The following HMCN2 variants were observed in gnomAD, a reference collection of about 807,000 sequenced individuals.
HMCN2 encodes the protein hemicentin 2.
In HMCN2, 325 loss-of-function variants were observed where a neutral mutation model predicts 377.5. The ratio of observed to expected loss-of-function variants is 0.86; its 90% CI spans 0.79 to 0.94. HMCN2 has a LOEUF of 0.94. Among genes scored for constraint, HMCN2 ranks in the 40% least tolerant of loss-of-function variants. The pLI is 0.00. For synonymous variants in HMCN2, 2,007 were observed against 2,046.8 expected (o/e 0.98, Z 0.53); for missense variants, 4,543 against 4,725.3 (o/e 0.96, Z 1.13).
intron 14 of HMCN2, 89 bp from the exon 15 acceptor site, chr9:130,309,823 G>T (rs116988271): frequency 0.03 from 10,525 of 348,718 alleles, 222 homozygotes; most frequent in Non-Finnish European, 0.038. Context: ...TTGTGCAGCC[G>T]CAGGAGCCAA....
At chr9:130,338,798 C>A (rs36153128) in intron 23 of HMCN2, among the ~76,000 whole-genome samples, 25,272 of 152,296 alleles carry the variant, frequency 0.17, 2,197 homozygotes, top group Admixed American at 0.23. Context: ...AGATCATGAG[C>A]CAGTGAAGAA....
chr9:130,365,364 G>GCCTC (rs34908717), intron 41 of HMCN2, among the ~76,000 whole-genome samples: 51,345 of 152,028 alleles, frequency 0.34, 9,611 homozygotes, highest in Non-Finnish European at 0.41. Flanking sequence ...CCAGTCACAT[G>GCCTC]CCTCCCCCTT....
At position 130,405,079 on chromosome 9, in the gene HMCN2, G is replaced by A. The variant is rs1408669717; in HGVS notation, c.12339+20G>A. On this transcript the variant is annotated intron_variant, in intron 81 of 97. Transcript: ENST00000683500. ...TTGGAGGTGAGGCACTGCCCCAAGG[G>A]GCACAGCAGGGAATAATGGCTGAGA... 7.9e-7 allele frequency: 1 copy of A among 1,268,890 alleles called. No individual in the cohort carries two copies. The highest frequency in any genetic ancestry group is 5.6e-5 in the East Asian group (1 of 17,818). 78.6% of individuals were successfully genotyped at this position (1,268,890 alleles called of 1,614,324 possible).
chr9:130,278,007 C>G lies in HMCN2; in HGVS notation c.260-6596C>G, dbSNP rs1399003393. ...CCACCACGATCATCACCACCACCAC[C>G]ATCATCATCACCACCACCACGATCA... On this transcript the variant is annotated intron_variant, in intron 1 of 97. Transcript: ENST00000683500. 5.3e-4 allele frequency among the ~76,000 whole-genome samples: 24 copies of G among 45,470 alleles called. 2 individuals are homozygous for G. The highest frequency in any genetic ancestry group is 2.1e-3 in the South Asian group (3 of 1,422). The allele number at this position is 45,470 out of a possible 152,430, so 29.8% of individuals were successfully genotyped here.
At chr9:130,323,008 C>T (rs1837935014) in intron 19 of HMCN2, among the ~76,000 whole-genome samples, 1 of 152,160 alleles carries the variant, frequency 6.6e-6, no homozygotes, top group South Asian at 2.1e-4. Flanking sequence ...AGGTGCAATT[C>T]TAGGTGCCAT....
In HMCN2 at chr9:130,341,218, T is replaced by A. The variant is rs1043204137; in HGVS notation, c.3595T>A (p.Ser1199Thr). Residue 1199 changes from serine (S) to threonine (T), a missense_variant, in exon 24 of 98, where the codon TCC becomes ACC. Physicochemically the swap from Ser to Thr is moderately conservative, Grantham distance 58. Coordinates refer to ENST00000683500, the MANE Select transcript of HMCN2 (RefSeq NM_001291815.2). ...EGNPEPQLSW[S>T]KDGVVLQGRG... ...CAACCCAGAGCCCCAGCTGAGCTGG[T>A]CCAAGGATGGCGTGGTGTTGCAGGG... 4.6e-5 allele frequency: 7 copies of A among 152,326 alleles called. No homozygotes were observed. Among genetic ancestry groups the A allele is most frequent in the African/African-American group, 1.4e-4 (6 of 41,434 alleles). The allele number at this position is 152,326 out of a possible 1,614,324, so 9.4% of individuals were successfully genotyped here.
chr9:130,349,873 A>T (rs1407700937), intron 29 of HMCN2, among the ~76,000 whole-genome samples: 1 of 140,212 alleles, frequency 7.1e-6, no homozygotes, highest in African/African-American at 2.7e-5. Context: ...AAGTCTTCTC[A>T]TCTCTTAGCC....
chr9:130,268,646 G>A (rs1834249494), intron 1 of HMCN2, among the ~76,000 whole-genome samples: 1 of 149,386 alleles, frequency 6.7e-6, no homozygotes, highest in Non-Finnish European at 1.5e-5. Context: ...AATGTTTACT[G>A]GGTTTTGGCC....
intron 62 of HMCN2, among the ~76,000 whole-genome samples, chr9:130,389,199 G>C (rs1380276663): frequency 6.6e-6 from 1 of 152,118 alleles, no homozygotes; most frequent in South Asian, 2.1e-4. Flanking sequence ...CTGGCTCCTC[G>C]AACCTGCCCC....
At chr9:130,400,729 C>A in intron 76 of HMCN2, 54 bp from the exon 77 acceptor site, 1 of 1,225,762 alleles carries the variant, frequency 8.2e-7, no homozygotes. Context: ...GGCCCTGTGG[C>A]CGTGAGTGCC....
At chr9:130,278,605 G>A (rs1283386078) in intron 1 of HMCN2, among the ~76,000 whole-genome samples, 2 of 151,608 alleles carry the variant, frequency 1.3e-5, no homozygotes, top group Non-Finnish European at 2.9e-5. Flanking sequence ...TTTTTGAGAC[G>A]GAGTTTTGCT....
chr9:130,302,257 A>C (rs1836557591), intron 8 of HMCN2, among the ~76,000 whole-genome samples: 1 of 152,198 alleles, frequency 6.6e-6, no homozygotes, highest in South Asian at 2.1e-4. Flanking sequence ...CATGTTGGCC[A>C]GGCTGGTCTT....
chr9:130,379,333 C>T lies in HMCN2; in HGVS notation c.8297C>T (p.Thr2766Met), dbSNP rs139535782. The T allele has an allele frequency of 1.5e-5, 15 of 985,734 alleles. No homozygotes were observed. The East Asian group carries it at 3.4e-4, about 22-fold the overall frequency. 61.1% of individuals were successfully genotyped at this position (985,734 alleles called of 1,614,324 possible). A position where few individuals can be genotyped will look rare whatever the true frequency, so the allele number is the denominator to read the frequency against. Reference protein sequence around the residue: ...SREEEARGGVTEYREIVENNP... With the variant: ...SREEEARGGVMEYREIVENNP... Reference sequence around the variant, plus strand: ...GAGGAGGAGGCCCGGGGCGGAGTCACGGAATACAGGGAGATCGTGGAGAAC... The same window carrying T: ...GAGGAGGAGGCCCGGGGCGGAGTCATGGAATACAGGGAGATCGTGGAGAAC... Residue 2766 changes from threonine to methionine, a missense_variant, in exon 54 of 98, where the codon ACG becomes ATG. By Grantham distance (81) the Thr-to-Met change is moderately conservative. This residue lies in a region of HMCN2 where 736 missense variants were observed against 773.2 expected (regional missense o/e 0.95). Transcript: ENST00000683500.
rs112674597 is a variant in HMCN2, at chr9:130,427,870, G to T, written c.14065+251G>T. The stretch of plus-strand genomic sequence containing the variant: ...TGGGCAGCCCCAGAGACATATGGGC[G>T]GCTACACATGCTCACCGCATTCTGA... On this transcript the variant is annotated intron_variant, in intron 92 of 97. Coordinates refer to ENST00000683500, the MANE Select transcript of HMCN2 (RefSeq NM_001291815.2). Among the ~76,000 whole-genome samples the T allele has an allele frequency of 6.7e-3, 1,024 of 152,294 alleles. 14 individuals are homozygous for T. The highest frequency in any genetic ancestry group is 0.017 in the African/African-American group (711 of 41,550).
Position 130,433,520 on chromosome 9 carries a change from C to G in HMCN2, c.15067C>G (p.Pro5023Ala), listed in dbSNP as rs990791245. ...CCGCACCGAGCTCAGCATGCTGGAG[C>G]CCGACCCCCGCAGCCCCTTCGCGCT... is the stretch of plus-strand genomic sequence containing the variant. ...ANRTELSMLE[P>A]DPRSPFALRP... The change falls in exon 98 of 98, where the codon CCC becomes GCC. Residue 5023 changes from proline (P) to alanine (A), a missense_variant. By Grantham distance (27) the Pro-to-Ala change is conservative. Transcript: ENST00000683500. 2 of 1,485,514 alleles carry G rather than the reference C, an allele frequency of 1.3e-6. No homozygotes were observed. Among genetic ancestry groups the G allele is most frequent in the African/African-American group, 1.5e-5 (1 of 68,110 alleles). 92.0% of individuals were successfully genotyped at this position (1,485,514 alleles called of 1,614,324 possible). A position where few individuals can be genotyped will look rare whatever the true frequency, so the allele number is the denominator to read the frequency against.
In HMCN2 at chr9:130,361,805, A is replaced by G. The variant is rs1222347697; in HGVS notation, c.5951-203A>G. On this transcript the variant is annotated intron_variant, in intron 38 of 97. Coordinates refer to ENST00000683500, the MANE Select transcript of HMCN2 (RefSeq NM_001291815.2). This position sits in a 1 kb window ranked among gnomAD's most constrained non-coding sequence, Gnocchi z 4.8. ...TCCCCTCTGTCAGCCTCAGTTTCCCATCTATAGAAGCCTCATGGTGGTGTT... is the reference window on the plus strand; with the variant it reads ...TCCCCTCTGTCAGCCTCAGTTTCCCGTCTATAGAAGCCTCATGGTGGTGTT... 6.6e-6 allele frequency among the ~76,000 whole-genome samples: 1 copy of G among 152,102 alleles called. No homozygotes were observed. The highest frequency in any genetic ancestry group is 1.5e-5 in the Non-Finnish European group (1 of 68,000).
chr9:130,426,270 C>T (rs35554524), intron 90 of HMCN2, among the ~76,000 whole-genome samples: 40,317 of 152,184 alleles, frequency 0.26, 6,228 homozygotes, highest in Middle Eastern at 0.43. Flanking sequence ...AGGCCACACC[C>T]AAGGAGCCAG....
In HMCN2 at chr9:130,425,778, T is replaced by C. The variant is rs763038093; in HGVS notation, c.13733T>C (p.Leu4578Pro). The C allele has an allele frequency of 1.5e-4, 233 of 1,550,448 alleles. No homozygotes were observed. Among genetic ancestry groups the C allele is most frequent in the Non-Finnish European group, 7.8e-6 (9 of 1,146,976 alleles). Residue 4578 changes from leucine (L) to proline (P), a missense_variant, in exon 90 of 98, where the codon CTA becomes CCA. Transcript: ENST00000683500. ...TTCCAGGGCGGCCTCCCCTCGTTCC[T>C]ACGCTGCAACCACAGCATCCAGTAC... is the stretch of plus-strand genomic sequence containing the variant. Reference protein sequence around the residue: ...RFFQGGLPSFLRCNHSIQYNA... With the variant: ...RFFQGGLPSFPRCNHSIQYNA...
intron 1 of HMCN2, among the ~76,000 whole-genome samples, chr9:130,279,107 A>T (rs1258788194): frequency 6.7e-6 from 1 of 150,046 alleles, no homozygotes; most frequent in Non-Finnish European, 1.5e-5. Context: ...CATGTTGGTC[A>T]GGCTGATGGT....
Sources: allele counts gnomAD v4.1 joint callset (sites outside exome capture counted in the v4.1 genomes callset), GRCh38; gene constraint gnomAD v4.1.1; regional missense constraint gnomAD v4.1.1; non-coding constraint Gnocchi (gnomAD v3.1); transcripts MANE v1.5; gene names NCBI Gene and HGNC (gene_info 2026-07-23, HGNC 2026-07-21).